Variants in MAGI2 observed in about 807,000 individuals in gnomAD.
The protein encoded by MAGI2 is membrane associated guanylate kinase, WW and PDZ domain containing 2, also known as membrane-associated guanylate kinase, WW and PDZ domain-containing protein 2.
Under a neutral mutation model 133.3 loss-of-function variants are expected in MAGI2, and 35 were observed. The observed-to-expected ratio is 0.26, with a 90% CI of 0.20 to 0.35. The LOEUF is 0.35. MAGI2 is among the 10% of genes least tolerant of loss of function. MAGI2 has a pLI of 1.00. For missense variants in MAGI2, 1,636 were observed against 1,863.4 expected, an observed-to-expected ratio of 0.88 and a Z score of 2.25; for synonymous variants, 729 against 710.6, an observed-to-expected ratio of 1.03 and a Z score of -0.41.
At chr7:79,259,279 A>G (rs1249276077) in intron 1 of MAGI2, among the ~76,000 whole-genome samples, 1 of 152,224 alleles carries the variant, frequency 6.6e-6, no homozygotes, top group Non-Finnish European at 1.5e-5. Flanking sequence ...GTAGGAATAC[A>G]GTTCTTAACA....
intron 2 of MAGI2, among the ~76,000 whole-genome samples, chr7:78,899,937 C>G (rs1797492551): frequency 6.6e-6 from 1 of 152,146 alleles, no homozygotes; most frequent in African/African-American, 2.4e-5. Context: ...TCACTCAACC[C>G]TTCAATGAGG....
At chr7:79,023,504 G>T (rs1562799256) in intron 1 of MAGI2, among the ~76,000 whole-genome samples, 1 of 152,078 alleles carries the variant, frequency 6.6e-6, no homozygotes, top group Non-Finnish European at 1.5e-5. Flanking sequence ...GCAAGAGAAA[G>T]AAATAAAAGA....
chr7:78,899,351 C>T (rs1237166189), intron 2 of MAGI2, among the ~76,000 whole-genome samples: 1 of 152,108 alleles, frequency 6.6e-6, no homozygotes, highest in Non-Finnish European at 1.5e-5. Context: ...TCTTCTTTCT[C>T]CTGCTTTTGC....
intron 3 of MAGI2, among the ~76,000 whole-genome samples, chr7:78,604,044 A>C (rs1483541166): frequency 6.6e-6 from 1 of 152,234 alleles, no homozygotes; most frequent in Non-Finnish European, 1.5e-5. Context: ...TGACAAAATT[A>C]AGATATGTAG....
intron 2 of MAGI2, among the ~76,000 whole-genome samples, chr7:78,638,390 T>C (rs754985271): frequency 1.3e-5 from 2 of 152,216 alleles, no homozygotes; most frequent in South Asian, 2.1e-4. Flanking sequence ...CTAAATCTTA[T>C]CCATTCCTTC....
In MAGI2 at chr7:78,366,686, G is replaced by T. The variant is rs116982899; in HGVS notation, c.1103+2470C>A. 5.4e-3 allele frequency among the ~76,000 whole-genome samples: 818 copies of T among 152,220 alleles called. 6 individuals carry two copies. Among genetic ancestry groups the T allele is most frequent in the Non-Finnish European group, 6.6e-3 (451 of 68,020 alleles). ...ATCATATACAATAACAGGTATTTTA[G>T]TTATGTTTATGAAGTTTTTCAAGAA... On this transcript the variant is annotated intron_variant, in intron 7 of 21. Coordinates refer to ENST00000354212, the MANE Select transcript of MAGI2 (RefSeq NM_012301.4).
At chr7:78,074,314 A>G (rs1300611285) in intron 21 of MAGI2, among the ~76,000 whole-genome samples, 1 of 152,144 alleles carries the variant, frequency 6.6e-6, no homozygotes, top group African/African-American at 2.4e-5. Context: ...ACCTAGGCTT[A>G]TCTCTCGGTC....
chr7:78,906,432 T>C (rs149814626), intron 2 of MAGI2, among the ~76,000 whole-genome samples: 95 of 152,342 alleles, frequency 6.2e-4, no homozygotes, highest in African/African-American at 2.2e-3. Context: ...ATCATCCTTA[T>C]TTACCTGCAT....
intron 21 of MAGI2, among the ~76,000 whole-genome samples, chr7:78,057,999 A>ATGTGTGGGTGTGTGTGTGTGTGTGTG: frequency 9.2e-6 from 1 of 108,582 alleles, no homozygotes; most frequent in East Asian, 2.4e-4. Flanking sequence ...ATATATATAT[A>ATGTGTGGGTGTGTGTGTGTGTGTGTG]TATATGTATG....
At chr7:78,070,975 G>A (rs1198088308) in intron 21 of MAGI2, among the ~76,000 whole-genome samples, 1 of 152,066 alleles carries the variant, frequency 6.6e-6, no homozygotes. Flanking sequence ...ACCCGGTCTG[G>A]TCTAATATAT....
At chr7:78,919,140 A>C (rs1799032121) in intron 2 of MAGI2, among the ~76,000 whole-genome samples, 1 of 152,104 alleles carries the variant, frequency 6.6e-6, no homozygotes, top group Admixed American at 6.6e-5. Context: ...TACCCAAGCC[A>C]TTATTTCTCC....
intron 21 of MAGI2, among the ~76,000 whole-genome samples, chr7:78,021,421 A>G (rs1254055705): frequency 6.6e-6 from 1 of 152,190 alleles, no homozygotes; most frequent in Non-Finnish European, 1.5e-5. Context: ...ATGTGATTCA[A>G]GCTCTTGCCT....
intron 5 of MAGI2, chr7:78,490,055 T>G (rs1793458556): frequency 2.1e-6 from 1 of 475,984 alleles, no homozygotes; most frequent in South Asian, 5.0e-5. Context: ...AAGCAGCTAT[T>G]TTTATTAAAA....
At chr7:78,188,179 G>A (rs1474090165) in intron 12 of MAGI2, among the ~76,000 whole-genome samples, 1 of 152,030 alleles carries the variant, frequency 6.6e-6, no homozygotes. Flanking sequence ...TGTTTCAAAA[G>A]GAACTTGTTG....
At chr7:78,077,878 T>C (rs1325502462) in intron 21 of MAGI2, among the ~76,000 whole-genome samples, 3 of 151,916 alleles carry the variant, frequency 2.0e-5, no homozygotes, top group African/African-American at 2.4e-5. Flanking sequence ...TATAGGCATG[T>C]GCCACCATGC....
chr7:78,118,322 A>G (rs1258440401), intron 20 of MAGI2, among the ~76,000 whole-genome samples: 1 of 152,214 alleles, frequency 6.6e-6, no homozygotes, highest in Non-Finnish European at 1.5e-5. Context: ...CACAAAAGGC[A>G]TAATCTATGA....
At chr7:78,294,978 C>T (rs181768789) in intron 9 of MAGI2, among the ~76,000 whole-genome samples, 165 of 102,972 alleles carry the variant, frequency 1.6e-3, no homozygotes, top group African/African-American at 4.3e-3. Context: ...CAGAACAGAA[C>T]ATATTATTTT....
intron 2 of MAGI2, among the ~76,000 whole-genome samples, chr7:78,931,485 G>T (rs567511426): frequency 6.6e-6 from 1 of 152,068 alleles, no homozygotes; most frequent in Non-Finnish European, 1.5e-5. Context: ...TGGACAGTGG[G>T]ACTTCTCTGA....
chr7:78,732,927 G>A (rs557378423), intron 2 of MAGI2, among the ~76,000 whole-genome samples: 1 of 152,268 alleles, frequency 6.6e-6, no homozygotes, highest in South Asian at 2.1e-4. Flanking sequence ...ACTGATAAGG[G>A]AAGAGCTTTG....
Sources: allele counts gnomAD v4.1 joint callset (sites outside exome capture counted in the v4.1 genomes callset), GRCh38; gene constraint gnomAD v4.1.1; transcripts MANE v1.5; gene names NCBI Gene and HGNC (gene_info 2026-07-23, HGNC 2026-07-21).